Variants in LHPP observed in about 807,000 individuals in gnomAD.
LHPP encodes hLHPP.
Under a neutral mutation model 30.3 loss-of-function variants are expected in LHPP, and 24 were observed. That is an observed-to-expected ratio of 0.79 (90% CI 0.57 to 1.11). The LOEUF (loss-of-function observed/expected upper bound fraction) is 1.11, where lower values mean the gene tolerates loss of function less well. Among genes scored for constraint, LHPP ranks in the 50% most tolerant of loss-of-function variants. The pLI is 0.00. For synonymous variants in LHPP, 150 were observed against 157.1 expected, an observed-to-expected ratio of 0.95 and a Z score of 0.34; for missense variants, 356 against 367.2, an observed-to-expected ratio of 0.97 and a Z score of 0.25.
intron 6 of LHPP, among the ~76,000 whole-genome samples, chr10:124,547,829 G>A (rs781772401): frequency 2.6e-5 from 4 of 152,238 alleles, no homozygotes; most frequent in African/African-American, 4.8e-5. Flanking sequence ...GGTCAGTGTC[G>A]GTTATCAGCT....
rs114656980 is a variant in LHPP at position 124,496,252 on chromosome 10, G to A, written c.468-709G>A. Among the ~76,000 whole-genome samples the A allele has an allele frequency of 6.6e-6, 1 of 152,214 alleles. No individual in the cohort carries two copies. The highest frequency in any genetic ancestry group is 1.9e-4 in the East Asian group (1 of 5,188). The stretch of plus-strand genomic sequence containing the variant: ...GTCTGGCCCACCATGTGTCTGGACT[G>A]TGAGTGCCTTGAGGCTCAGTGTGAC... On this transcript the variant is annotated intron_variant, in intron 3 of 6. Coordinates refer to ENST00000368842, the MANE Select transcript of LHPP (RefSeq NM_022126.4). This position sits in a 1 kb window ranked among gnomAD's most constrained non-coding sequence, Gnocchi z 4.3.
chr10:124,574,024 G>C (rs1157943829), intron 6 of LHPP, among the ~76,000 whole-genome samples: 3 of 152,122 alleles, frequency 2.0e-5, no homozygotes, highest in Non-Finnish European at 4.4e-5. Context: ...GTCACCCATG[G>C]AGGCTGCAGG....
At chr10:124,479,074 A>G (rs1953045567) in intron 1 of LHPP, among the ~76,000 whole-genome samples, 1 of 151,842 alleles carries the variant, frequency 6.6e-6, no homozygotes, top group Non-Finnish European at 1.5e-5. Context: ...GTCTCAAAAA[A>G]AAAAAAAAAA....
intron 2 of LHPP, among the ~76,000 whole-genome samples, chr10:124,485,604 G>GT (rs5788665): frequency 0.53 from 79,528 of 149,582 alleles, 23,064 homozygotes; most frequent in East Asian, 0.76. Flanking sequence ...AATAGTTTTG[G>GT]TTTTTTTTTT....
chr10:124,550,143 T>A (rs1343289243), intron 6 of LHPP, among the ~76,000 whole-genome samples: 1 of 152,210 alleles, frequency 6.6e-6, no homozygotes, highest in Non-Finnish European at 1.5e-5. Context: ...TGCTGTGAAC[T>A]GGGCGTGAAC....
chr10:124,492,740 A>G (rs569559007), intron 3 of LHPP, among the ~76,000 whole-genome samples: 146 of 152,362 alleles, frequency 9.6e-4, no homozygotes, highest in African/African-American at 3.3e-3. Context: ...ATTGCAATTT[A>G]GGTCGCTGCT....
intron 6 of LHPP, among the ~76,000 whole-genome samples, chr10:124,544,142 G>C (rs1005605886): frequency 5.9e-5 from 9 of 152,230 alleles, no homozygotes; most frequent in African/African-American, 2.2e-4. Flanking sequence ...GAGCTGGAGG[G>C]GGTAGGGGCA....
At chr10:124,493,525 T>C (rs993775002) in intron 3 of LHPP, among the ~76,000 whole-genome samples, 2 of 152,234 alleles carry the variant, frequency 1.3e-5, no homozygotes, top group African/African-American at 2.4e-5. Flanking sequence ...GAATTGGCTT[T>C]GTAATTTCTT....
chr10:124,492,801 C>T (rs2133864897), intron 3 of LHPP, among the ~76,000 whole-genome samples: 1 of 152,288 alleles, frequency 6.6e-6, no homozygotes, highest in East Asian at 1.9e-4. Context: ...CCGGGCTGAC[C>T]CATTAGGCCT....
At chr10:124,595,567 T>A (rs150473511) in intron 6 of LHPP, among the ~76,000 whole-genome samples, 3 of 152,328 alleles carry the variant, frequency 2.0e-5, no homozygotes, top group Non-Finnish European at 4.4e-5. Context: ...ATTCCCTCTT[T>A]GCTTTGGCTG....
intron 6 of LHPP, among the ~76,000 whole-genome samples, chr10:124,580,814 G>T (rs1005987230): frequency 6.6e-6 from 1 of 151,316 alleles, no homozygotes; most frequent in Admixed American, 6.6e-5. Context: ...TGCCTCCTGG[G>T]TTTAAGCACT....
intron 1 of LHPP, among the ~76,000 whole-genome samples, chr10:124,479,372 T>G (rs1953055988): frequency 6.6e-6 from 1 of 152,232 alleles, no homozygotes; most frequent in East Asian, 1.9e-4. Flanking sequence ...TTTGGAATTC[T>G]TGTACTTCAT....
intron 6 of LHPP, among the ~76,000 whole-genome samples, chr10:124,608,314 G>T (rs1949121597): frequency 6.6e-6 from 1 of 151,888 alleles, no homozygotes; most frequent in South Asian, 2.1e-4. Context: ...AAGGCTCAAG[G>T]CCGGTCATGC....
At chr10:124,511,610 C>G (rs1954299929) in intron 5 of LHPP, among the ~76,000 whole-genome samples, 1 of 152,146 alleles carries the variant, frequency 6.6e-6, no homozygotes, top group Non-Finnish European at 1.5e-5. Flanking sequence ...TGAGGGAGGC[C>G]CCTCTGGCCT....
At chr10:124,540,170 C>G (rs550444776) in intron 6 of LHPP, among the ~76,000 whole-genome samples, 20 of 152,138 alleles carry the variant, frequency 1.3e-4, no homozygotes, top group Admixed American at 3.9e-4. Flanking sequence ...TGTGTCTGTG[C>G]GCTTCGGTGG....
intron 6 of LHPP, among the ~76,000 whole-genome samples, chr10:124,609,042 C>A (rs1399020588): frequency 3.3e-5 from 5 of 152,166 alleles, no homozygotes; most frequent in Non-Finnish European, 7.4e-5. Context: ...TGTCCAGAGC[C>A]CTGGGGGACG....
chr10:124,551,780 C>T (rs1307916368), intron 6 of LHPP, among the ~76,000 whole-genome samples: 2 of 152,240 alleles, frequency 1.3e-5, no homozygotes, highest in Admixed American at 6.5e-5. Flanking sequence ...CTCCACCTGC[C>T]GGCCTTGGGG....
rs1163688399 is a variant in LHPP at position 124,541,405 on chromosome 10, G to C, written c.716+24134G>C. ...CTGCCTTGCAAGAACATTGCCTGTG[G>C]CTCAAAATGGCCACATGGGATGCAG... On this transcript the variant is annotated intron_variant, in intron 6 of 6. Coordinates refer to ENST00000368842, the MANE Select transcript of LHPP (RefSeq NM_022126.4). This position sits in a 1 kb window ranked among gnomAD's most constrained non-coding sequence, Gnocchi z 4.2. Among the ~76,000 whole-genome samples, 1 of 152,224 alleles carries C rather than the reference G, an allele frequency of 6.6e-6. No individual in the cohort carries two copies. The highest frequency in any genetic ancestry group is 1.9e-4 in the East Asian group (1 of 5,190).
intron 6 of LHPP, among the ~76,000 whole-genome samples, chr10:124,601,164 C>A (rs532476537): frequency 8.5e-5 from 13 of 152,162 alleles, no homozygotes; most frequent in Non-Finnish European, 1.8e-4. Flanking sequence ...GGGGGAAGTG[C>A]ACTAGAGTGA....
Sources: gnomAD v4.1 joint callset for allele counts (sites outside exome capture counted in the v4.1 genomes callset) on GRCh38, gnomAD v4.1.1 for gene constraint, Gnocchi (gnomAD v3.1) non-coding constraint, MANE v1.5 for transcripts, NCBI Gene and HGNC (gene_info 2026-07-23, HGNC 2026-07-21) for gene names.